LRRC57: variants seen among roughly 807,000 people sequenced by gnomAD.
The protein encoded by LRRC57 is leucine rich repeat containing 57, also known as leucine-rich repeat-containing protein 57.
Under a neutral mutation model 23.1 loss-of-function variants are expected in LRRC57, and 14 were observed. That is an observed-to-expected ratio of 0.61 (90% CI 0.40 to 0.95). The LOEUF is 0.95. Among genes scored for constraint, LRRC57 ranks in the 40% least tolerant of loss-of-function variants. The pLI, the probability that LRRC57 is intolerant of heterozygous loss-of-function variation, is 0.00. For synonymous variants in LRRC57, 106 were observed against 115.2 expected (o/e 0.92, Z 0.51); for missense variants, 236 against 284.4 (o/e 0.83, Z 1.22).
At position 42,538,700 on chromosome 15, in the gene LRRC57, T is replaced by G. The variant is rs760093539; in HGVS notation, c.*5383A>C. 11 of 152,258 alleles carry G rather than the reference T, an allele frequency of 7.2e-5. No homozygotes were observed. The highest frequency in any genetic ancestry group is 8.8e-5 in the Non-Finnish European group (6 of 68,048). 9.4% of individuals were successfully genotyped at this position (152,258 alleles called of 1,614,324 possible). A position where few individuals can be genotyped will look rare whatever the true frequency, so the allele number is the denominator to read the frequency against. On this transcript the variant is annotated 3_prime_UTR_variant, in exon 6 of 6. Transcript: ENST00000397130. ...ACTCTGTCATGGCCACTATGCTAAG[T>G]GCTTTTATATAGTTTTTTGCAACAT...
the LRRC57 span, among the ~76,000 whole-genome samples, chr15:42,529,018 G>T: frequency 3.3e-5 from 5 of 152,286 alleles, no homozygotes; most frequent in South Asian, 2.1e-4. Flanking sequence ...GTTTTAAAAT[G>T]TGTCATCTAG....
At chr15:42,528,419 C>T in the LRRC57 span, 336 of 1,614,038 alleles carry the variant, frequency 2.1e-4, 3 homozygotes, top group Middle Eastern at 2.5e-3. Flanking sequence ...ATACATTAAA[C>T]GGTATGCCAA....
chr15:42,528,477 A>T, the LRRC57 span: 1 of 1,549,568 alleles, frequency 6.5e-7, no homozygotes, highest in South Asian at 1.1e-5. Flanking sequence ...TTCACTTAGG[A>T]GATGAGTTTA....
chr15:42,546,396 G>GTT (rs147589481), intron 4 of LRRC57, among the ~76,000 whole-genome samples: 1 of 149,860 alleles, frequency 6.7e-6, no homozygotes, highest in African/African-American at 2.4e-5. Context: ...AATTGATTCA[G>GTT]TTTTTTTTTT....
At chr15:42,537,400 C>T (rs867885066), downstream of LRRC57, among the ~76,000 whole-genome samples, 4 of 152,094 alleles carry the variant, frequency 2.6e-5, no homozygotes, top group Non-Finnish European at 4.4e-5. Context: ...AAAATGCTGG[C>T]AAGGATGCTG....
rs978598725 is a variant in LRRC57, at chr15:42,542,584, G to A, written c.*1499C>T. 6.6e-6 allele frequency: 1 copy of A among 152,450 alleles called. No homozygotes were observed. Among genetic ancestry groups the A allele is most frequent in the Non-Finnish European group, 1.5e-5 (1 of 68,006 alleles). 9.4% of individuals were successfully genotyped at this position (152,450 alleles called of 1,614,324 possible). On this transcript the variant is annotated 3_prime_UTR_variant, in exon 6 of 6. Transcript: ENST00000397130. Reference sequence around the variant, plus strand: ...TCAGAGAGTAAGCTTGATAAACATAGGTTGTTTTAAAATATTATAGTAATG... The same window carrying A: ...TCAGAGAGTAAGCTTGATAAACATAAGTTGTTTTAAAATATTATAGTAATG...
chr15:42,538,971 A>G lies in LRRC57; in HGVS notation c.*5112T>C, dbSNP rs928831604. ...AGGTAAGGCAGGATTGCTTGAGCCC[A>G]GGAGTTTGGGGCCAGCCTGGGGAAC... On this transcript the variant is annotated 3_prime_UTR_variant, in exon 6 of 6. Coordinates refer to ENST00000397130, the MANE Select transcript of LRRC57 (RefSeq NM_153260.3). 8 of 151,872 alleles carry G rather than the reference A, an allele frequency of 5.3e-5. No homozygotes were observed. The highest frequency in any genetic ancestry group is 1.9e-4 in the African/African-American group (8 of 41,320). 9.4% of individuals were successfully genotyped at this position (151,872 alleles called of 1,614,324 possible). A position where few individuals can be genotyped will look rare whatever the true frequency, so the allele number is the denominator to read the frequency against.
rs1464417475 is a variant in LRRC57, at chr15:42,545,103, GTTTC to G, written c.648_651del (p.Lys216AsnfsTer36). 6.2e-7 allele frequency: 1 copy of G among 1,601,920 alleles called. No homozygotes were observed. The highest frequency in any genetic ancestry group is 8.5e-7 in the Non-Finnish European group (1 of 1,175,692). On this transcript the variant is annotated frameshift_variant, in exon 5 of 6. Coordinates refer to ENST00000397130, the MANE Select transcript of LRRC57 (RefSeq NM_153260.3). LOFTEE classifies it high-confidence loss of function. ...TTATCATAGCCTTCCAGTTCTCGAA[GTTTC>G]TTTATTTCAAAAAGATTGCCTTCCA...
chr15:42,542,366 A>G lies in LRRC57; in HGVS notation c.*1717T>C, dbSNP rs2141576346. The G allele has an allele frequency of 6.6e-6, 1 of 152,362 alleles. No homozygotes were observed. The highest frequency in any genetic ancestry group is 2.1e-4 in the South Asian group (1 of 4,828). 9.4% of individuals were successfully genotyped at this position (152,362 alleles called of 1,614,324 possible). A position where few individuals can be genotyped will look rare whatever the true frequency, so the allele number is the denominator to read the frequency against. ...CCAACCTCAGATTCTCTTAATAAGCATAGTTCTAGTATCACAAAATGTTTA... is the reference window on the plus strand; with the variant it reads ...CCAACCTCAGATTCTCTTAATAAGCGTAGTTCTAGTATCACAAAATGTTTA... On this transcript the variant is annotated 3_prime_UTR_variant, in exon 6 of 6. Coordinates refer to ENST00000397130, the MANE Select transcript of LRRC57 (RefSeq NM_153260.3).
In LRRC57 at chr15:42,542,028, G is replaced by A. The variant is rs979737522; in HGVS notation, c.*2055C>T. ...CCCGCCTCGGCCTCCCAAAGTGCTG[G>A]GATTACAGGCGTGAGCCACCGCGCC... On this transcript the variant is annotated 3_prime_UTR_variant, in exon 6 of 6. Transcript: ENST00000397130. 2 of 150,158 alleles carry A rather than the reference G, an allele frequency of 1.3e-5. No homozygotes were observed. Among genetic ancestry groups the A allele is most frequent in the African/African-American group, 2.5e-5 (1 of 40,676 alleles). 9.3% of individuals were successfully genotyped at this position (150,158 alleles called of 1,614,324 possible). A position where few individuals can be genotyped will look rare whatever the true frequency, so the allele number is the denominator to read the frequency against.
Position 42,547,829 on chromosome 15 carries a change from T to C in LRRC57, c.223+277A>G, listed in dbSNP as rs577397149. 139 of 546,368 alleles carry C rather than the reference T, an allele frequency of 2.5e-4. 1 individual carries two copies. The East Asian group carries it at 4.2e-3, about 17-fold the overall frequency. The allele number at this position is 546,368 out of a possible 1,614,324, so 33.8% of individuals were successfully genotyped here. ...TCCTCCCCTTCTCATCCATCCCCCA[T>C]TCCAAGTTAGGTAGCTTTGTTTACA... On this transcript the variant is annotated intron_variant, in intron 3 of 5. Transcript: ENST00000397130.
At chr15:42,528,523 G>A in the LRRC57 span, 2 of 1,119,754 alleles carry the variant, frequency 1.8e-6, no homozygotes, top group Non-Finnish European at 2.5e-6. Flanking sequence ...AATAAAAATT[G>A]TATTTATTCC....
chr15:42,544,999 T>C lies in LRRC57; in HGVS notation c.678+78A>G, dbSNP rs187496385. The C allele has an allele frequency of 5.9e-5, 66 of 1,115,578 alleles. No homozygotes were observed. In the African/African-American group the frequency reaches 9.3e-4, roughly 16 times the overall value. 69.1% of individuals were successfully genotyped at this position (1,115,578 alleles called of 1,614,324 possible). A position where few individuals can be genotyped will look rare whatever the true frequency, so the allele number is the denominator to read the frequency against. Reference sequence around the variant, plus strand: ...GAACAAATCCTGTTGACATGAGCTATAAACATTTCTGTGGATTACTTCACC... The same window carrying C: ...GAACAAATCCTGTTGACATGAGCTACAAACATTTCTGTGGATTACTTCACC... On this transcript the variant is annotated intron_variant, in intron 5 of 5. Coordinates refer to ENST00000397130, the MANE Select transcript of LRRC57 (RefSeq NM_153260.3).
rs2057609930 is a variant in LRRC57, at chr15:42,538,095, C to T, written c.*5988G>A. On this transcript the variant is annotated 3_prime_UTR_variant, in exon 6 of 6. Transcript: ENST00000397130. ...GATAAATGTTTGAGATAATGAATAA[C>T]ATAAATATCCTGACTTGATCATTAT... 6.6e-6 allele frequency: 1 copy of T among 152,130 alleles called. No homozygotes were observed. The highest frequency in any genetic ancestry group is 2.4e-5 in the African/African-American group (1 of 41,426). 9.4% of individuals were successfully genotyped at this position (152,130 alleles called of 1,614,324 possible).
chr15:42,547,920 C>G, intron 3 of LRRC57, 186 bp downstream of exon 3: 1 of 611,268 alleles, frequency 1.6e-6, no homozygotes, highest in Non-Finnish European at 2.8e-6. Context: ...TTATAACACC[C>G]AATCATTATA....
the LRRC57 span, chr15:42,531,396 T>C: frequency 3.3e-6 from 5 of 1,522,542 alleles, no homozygotes; most frequent in South Asian, 2.7e-5. Context: ...AAAGCTGATA[T>C]CTTTCTTGTT....
chr15:42,546,427 A>G (rs781464401), intron 4 of LRRC57, among the ~76,000 whole-genome samples: 81 of 152,186 alleles, frequency 5.3e-4, no homozygotes, highest in Non-Finnish European at 8.4e-4. Context: ...GCTCTATAAC[A>G]TACAAGAATA....
chr15:42,529,810 C>T, the LRRC57 span: 5 of 1,611,520 alleles, frequency 3.1e-6, no homozygotes, highest in Non-Finnish European at 4.2e-6. Context: ...TAAAACGAAT[C>T]ACAGACAAGG....
chr15:42,530,161 C>G, the LRRC57 span, among the ~76,000 whole-genome samples: 1 of 152,254 alleles, frequency 6.6e-6, no homozygotes, highest in South Asian at 2.1e-4. Flanking sequence ...GGGTCTTGCT[C>G]TGTCGCCTAG....
Sources: gnomAD v4.1 joint callset for allele counts (sites outside exome capture counted in the v4.1 genomes callset) on GRCh38, gnomAD v4.1.1 for gene constraint, MANE v1.5 for transcripts, NCBI Gene and HGNC (gene_info 2026-07-23, HGNC 2026-07-21) for gene names.